The following ASPA variants were observed in gnomAD, a reference collection of about 807,000 sequenced individuals.
The protein encoded by ASPA is ACY-2.
A neutral mutation model predicts 29.6 loss-of-function variants in ASPA; 25 were observed. The ratio of observed to expected loss-of-function variants is 0.85; its 90% CI spans 0.62 to 1.18. The LOEUF (loss-of-function observed/expected upper bound fraction) is 1.18. Among genes scored for constraint, ASPA ranks in the 50% most tolerant of loss-of-function variants. ASPA has a pLI of 0.00. For missense variants in ASPA, 333 were observed against 385.7 expected (o/e 0.86, Z 1.14); for synonymous variants, 131 against 130.3 (o/e 1.01, Z -0.04).
chr17:3,495,102 A>G (rs1189748974), intron 5 of ASPA, among the ~76,000 whole-genome samples: 1 of 152,090 alleles, frequency 6.6e-6, no homozygotes, highest in African/African-American at 2.4e-5. Flanking sequence ...GAAAAAAAAA[A>G]GGCTCTTGAG....
rs2073804621 is a variant in ASPA, at chr17:3,490,417, T to C, written c.634+1075T>C. Among the ~76,000 whole-genome samples, 1 of 152,202 alleles carries C rather than the reference T, an allele frequency of 6.6e-6. No homozygotes were observed. Among genetic ancestry groups the C allele is most frequent in the South Asian group, 2.1e-4 (1 of 4,828 alleles). ...GTTGCTTAAAATCAAAGAGACATTC[T>C]ATGTAAACAATTATTCCAACAGACT... On this transcript the variant is annotated intron_variant, in intron 4 of 5. Transcript: ENST00000263080. This position sits in a 1 kb window ranked among gnomAD's most constrained non-coding sequence, Gnocchi z 4.6.
In ASPA at chr17:3,499,211, G is replaced by T; in HGVS notation, c.*123G>T. 1 of 922,776 alleles carries T rather than the reference G, an allele frequency of 1.1e-6. No homozygotes were observed. Among genetic ancestry groups the T allele is most frequent in the Admixed American group, 3.0e-5 (1 of 33,834 alleles). The allele number at this position is 922,776 out of a possible 1,614,324, so 57.2% of individuals were successfully genotyped here. A position where few individuals can be genotyped will look rare whatever the true frequency, so the allele number is the denominator to read the frequency against. ...TAGCTCCTAGCACAGTGCCTTATTCGGTAGGCATCTAAGCACATTTCTTAA... is the reference window on the plus strand; with the variant it reads ...TAGCTCCTAGCACAGTGCCTTATTCTGTAGGCATCTAAGCACATTTCTTAA... On this transcript the variant is annotated 3_prime_UTR_variant, in exon 6 of 6. Coordinates refer to ENST00000263080, the MANE Select transcript of ASPA (RefSeq NM_000049.4).
rs532799181 is a variant in ASPA, at chr17:3,490,287, G to A, written c.634+945G>A. On this transcript the variant is annotated intron_variant, in intron 4 of 5. Transcript: ENST00000263080. This position sits in a 1 kb window ranked among gnomAD's most constrained non-coding sequence, Gnocchi z 4.6. ...TAAACGGGGACTGGTGGACAAGGTG[G>A]GTATATGCAGCTCTATGCACTATCT... Among the ~76,000 whole-genome samples the A allele has an allele frequency of 2.6e-5, 4 of 152,034 alleles. 1 individual carries two copies. The East Asian group carries it at 7.7e-4, about 29-fold the overall frequency.
chr17:3,496,802 C>T (rs62071301), intron 5 of ASPA, among the ~76,000 whole-genome samples: 12,201 of 152,186 alleles, frequency 0.08, 1,169 homozygotes, highest in East Asian at 0.48. Flanking sequence ...AGCGGTGGCT[C>T]ACGCCTGTAA....
At chr17:3,477,513 G>A (rs1432175553) in intron 1 of ASPA, among the ~76,000 whole-genome samples, 1 of 152,058 alleles carries the variant, frequency 6.6e-6, no homozygotes, top group Non-Finnish European at 1.5e-5. Context: ...GAGTGCAATG[G>A]TGCAATCTCA....
intron 5 of ASPA, among the ~76,000 whole-genome samples, chr17:3,497,068 G>T (rs2073921612): frequency 6.6e-6 from 1 of 152,000 alleles, no homozygotes; most frequent in South Asian, 2.1e-4. Flanking sequence ...CGTCTAAAAA[G>T]AAAAAGAAAA....
chr17:3,498,761 C>G, intron 5 of ASPA, 130 bp from the exon 6 acceptor site: 1 of 935,444 alleles, frequency 1.1e-6, no homozygotes, highest in Non-Finnish European at 1.5e-6. Flanking sequence ...GCCTGCATCT[C>G]AATGCCTCGC....
chr17:3,498,753 C>G, intron 5 of ASPA, 138 bp from the exon 6 acceptor site: 3 of 816,020 alleles, frequency 3.7e-6, no homozygotes, highest in Non-Finnish European at 5.4e-6. Flanking sequence ...GATCACTTGC[C>G]TGCATCTCAA....
chr17:3,502,510 A>C lies in ASPA; in HGVS notation c.*3422A>C, dbSNP rs960635461. ...AATATACTAAGCGTCCAGTCTATAA[A>C]CTTCAGCATTCGTTGCGAAATCCAG... On this transcript the variant is annotated 3_prime_UTR_variant, in exon 6 of 6. Coordinates refer to ENST00000263080, the MANE Select transcript of ASPA (RefSeq NM_000049.4). 5.3e-5 allele frequency: 8 copies of C among 152,236 alleles called. No individual in the cohort carries two copies. The highest frequency in any genetic ancestry group is 1.7e-4 in the African/African-American group (7 of 41,454). The allele number at this position is 152,236 out of a possible 1,614,324, so 9.4% of individuals were successfully genotyped here.
intron 1 of ASPA, 118 bp downstream of exon 1, chr17:3,476,513 A>T (rs2073526286): frequency 1.1e-6 from 1 of 950,698 alleles, no homozygotes; most frequent in African/African-American, 1.6e-5. Flanking sequence ...ATGCAGTCGT[A>T]TGTTGAATAA....
At chr17:3,483,707 G>C in intron 3 of ASPA, 115 bp downstream of exon 3, 1 of 1,022,252 alleles carries the variant, frequency 9.8e-7, no homozygotes, top group Middle Eastern at 2.2e-4. Context: ...CTGTCACCCA[G>C]GCTGGAGTCC....
At chr17:3,482,475 G>A (rs898018483) in intron 2 of ASPA, among the ~76,000 whole-genome samples, 9 of 152,282 alleles carry the variant, frequency 5.9e-5, no homozygotes. Context: ...CTTCCTGAGA[G>A]CAAGGATGAT....
At chr17:3,493,069 T>C (rs2073850871) in intron 4 of ASPA, among the ~76,000 whole-genome samples, 1 of 152,206 alleles carries the variant, frequency 6.6e-6, no homozygotes, top group African/African-American at 2.4e-5. Context: ...CATAACACGC[T>C]GTGGGCCCTA....
In ASPA at chr17:3,499,559, C is replaced by T. The variant is rs1451809791; in HGVS notation, c.*471C>T. 6.6e-6 allele frequency: 1 copy of T among 152,468 alleles called. No homozygotes were observed. Among genetic ancestry groups the T allele is most frequent in the Non-Finnish European group, 1.5e-5 (1 of 68,482 alleles). The allele number at this position is 152,468 out of a possible 1,614,324, so 9.4% of individuals were successfully genotyped here. On this transcript the variant is annotated 3_prime_UTR_variant, in exon 6 of 6. Transcript: ENST00000263080. ...GCTCACTCCTTGTCTCTGTGTCACC[C>T]TTTGATAATATTTCAAGCTTTTTTA... is the stretch of plus-strand genomic sequence containing the variant.
rs1402806694 is a variant in ASPA, at chr17:3,490,164, T to C, written c.634+822T>C. ...AAACACACCAAACTGATAACAATAG[T>C]TACCGGGGACGGGAGGCAAAACCCA... On this transcript the variant is annotated intron_variant, in intron 4 of 5. Coordinates refer to ENST00000263080, the MANE Select transcript of ASPA (RefSeq NM_000049.4). This position sits in a 1 kb window ranked among gnomAD's most constrained non-coding sequence, Gnocchi z 4.6. Among the ~76,000 whole-genome samples the C allele has an allele frequency of 3.3e-5, 5 of 152,294 alleles. No homozygotes were observed. The highest frequency in any genetic ancestry group is 2.1e-4 in the South Asian group (1 of 4,822).
chr17:3,486,728 G>A (rs2073728899), intron 3 of ASPA, among the ~76,000 whole-genome samples: 1 of 152,082 alleles, frequency 6.6e-6, no homozygotes, highest in South Asian at 2.1e-4. Context: ...TTTAAAAGCA[G>A]GTTGGCAAAC....
intron 1 of ASPA, among the ~76,000 whole-genome samples, chr17:3,477,254 A>T (rs1483695444): frequency 6.6e-6 from 1 of 152,212 alleles, no homozygotes; most frequent in Admixed American, 6.5e-5. Context: ...TGTAGATGGG[A>T]TACCAGAGAT....
chr17:3,499,075 G>A lies in ASPA; in HGVS notation c.929G>A (p.Cys310Tyr), dbSNP rs1350858778. ...ACGCTCAATGCAAAAAGTATTCGCTGCTGTTTACATTAGAAATCACTTCCA... is the reference window on the plus strand; with the variant it reads ...ACGCTCAATGCAAAAAGTATTCGCTACTGTTTACATTAGAAATCACTTCCA... ...KLTLNAKSIR[C>Y]CLH Residue 310 changes from cysteine to tyrosine, a missense_variant, in exon 6 of 6, where the codon TGC becomes TAC. Transcript: ENST00000263080. The A allele has an allele frequency of 1.9e-6, 3 of 1,613,916 alleles. No individual in the cohort carries two copies. In the Admixed American group the frequency reaches 5.0e-5, roughly 27 times the overall value.
chr17:3,499,078 G>T lies in ASPA; in HGVS notation c.932G>T (p.Cys311Phe). Residue 311 changes from cysteine to phenylalanine, a missense_variant, in exon 6 of 6, where the codon TGT becomes TTT. Cys to Phe is a radical substitution (Grantham distance 205, BLOSUM62 -2). Transcript: ENST00000263080. ...CTCAATGCAAAAAGTATTCGCTGCT[G>T]TTTACATTAGAAATCACTTCCAGCT... ...LTLNAKSIRC[C>F]LH The T allele has an allele frequency of 6.2e-7, 1 of 1,613,822 alleles. No homozygotes were observed. Among genetic ancestry groups the T allele is most frequent in the Non-Finnish European group, 8.5e-7 (1 of 1,179,852 alleles).
Sources: allele counts gnomAD v4.1 joint callset (sites outside exome capture counted in the v4.1 genomes callset), GRCh38; gene constraint gnomAD v4.1.1; non-coding constraint Gnocchi (gnomAD v3.1); transcripts MANE v1.5; gene names NCBI Gene and HGNC (gene_info 2026-07-23, HGNC 2026-07-21).